Variants in ZNF385B observed in about 807,000 individuals in gnomAD.
The protein encoded by ZNF385B is zinc finger protein 533.
Under a neutral mutation model 39.2 loss-of-function variants are expected in ZNF385B, and 23 were observed. That is an observed-to-expected ratio of 0.59 (90% CI 0.42 to 0.83). The LOEUF (loss-of-function observed/expected upper bound fraction) is 0.83, where lower values mean the gene tolerates loss of function less well. Ranked by LOEUF, ZNF385B falls within the 40% of genes least tolerant of loss-of-function variation. ZNF385B has a pLI of 0.00. For synonymous variants in ZNF385B, 205 were observed against 222.6 expected, an observed-to-expected ratio of 0.92 and a Z score of 0.70; for missense variants, 552 against 598.9, an observed-to-expected ratio of 0.92 and a Z score of 0.82.
chr2:179,850,958 C>T (rs1244356201), intron 1 of ZNF385B, among the ~76,000 whole-genome samples: 1 of 152,138 alleles, frequency 6.6e-6, no homozygotes, highest in Non-Finnish European at 1.5e-5. Flanking sequence ...TTTTCCTTAA[C>T]GTTAGAAGAT....
At chr2:179,501,686 C>T (rs1354019407) in intron 5 of ZNF385B, among the ~76,000 whole-genome samples, 2 of 152,042 alleles carry the variant, frequency 1.3e-5, no homozygotes, top group Non-Finnish European at 2.9e-5. Context: ...GATAGGGTGA[C>T]TATAGTTAAT....
chr2:179,676,103 C>G (rs1176018558), intron 3 of ZNF385B, among the ~76,000 whole-genome samples: 1 of 146,384 alleles, frequency 6.8e-6, no homozygotes, highest in African/African-American at 2.5e-5. Context: ...TATTTTTTTT[C>G]TTTGAGACGG....
chr2:179,719,162 C>T (rs1700521578), intron 3 of ZNF385B, among the ~76,000 whole-genome samples: 1 of 152,056 alleles, frequency 6.6e-6, no homozygotes, highest in Non-Finnish European at 1.5e-5. Flanking sequence ...CCCCTTCCTG[C>T]CTCCACCCAT....
chr2:179,501,427 A>T (rs532339610), intron 5 of ZNF385B, among the ~76,000 whole-genome samples: 10 of 152,292 alleles, frequency 6.6e-5, no homozygotes, highest in Admixed American at 5.2e-4. Flanking sequence ...AATAAGGCCC[A>T]GTCATTTGCA....
chr2:179,820,221 A>G (rs926378926), intron 1 of ZNF385B, among the ~76,000 whole-genome samples: 1 of 152,162 alleles, frequency 6.6e-6, no homozygotes, highest in East Asian at 1.9e-4. Context: ...TTTACTATGT[A>G]CCTTTGGTTT....
At chr2:179,649,666 T>C (rs1693038801) in intron 3 of ZNF385B, among the ~76,000 whole-genome samples, 1 of 152,210 alleles carries the variant, frequency 6.6e-6, no homozygotes, top group South Asian at 2.1e-4. Context: ...TGCATGTATA[T>C]ATGTTTGCAT....
chr2:179,763,120 G>T (rs1332800883), intron 3 of ZNF385B, among the ~76,000 whole-genome samples: 5 of 152,206 alleles, frequency 3.3e-5, no homozygotes, highest in African/African-American at 7.2e-5. Flanking sequence ...GGCCAGGCTG[G>T]TATCAACACC....
intron 3 of ZNF385B, among the ~76,000 whole-genome samples, chr2:179,703,405 TCTTC>T (rs1699356494): frequency 6.6e-6 from 1 of 151,484 alleles, no homozygotes; most frequent in Non-Finnish European, 1.5e-5. Flanking sequence ...TTCAAAACCC[TCTTC>T]CTTAATTTTC....
chr2:179,588,874 G>A (rs1687322242), intron 3 of ZNF385B, among the ~76,000 whole-genome samples: 1 of 152,070 alleles, frequency 6.6e-6, no homozygotes, highest in Non-Finnish European at 1.5e-5. Context: ...ATACACAGAA[G>A]GCAAATGTCA....
At chr2:179,615,083 C>T (rs971016211) in intron 3 of ZNF385B, among the ~76,000 whole-genome samples, 9 of 152,302 alleles carry the variant, frequency 5.9e-5, no homozygotes, top group South Asian at 2.1e-4. Context: ...TAGCTGACAA[C>T]GTCAGCAGCT....
chr2:179,462,927 A>C (rs1279072520), intron 6 of ZNF385B, among the ~76,000 whole-genome samples: 1 of 152,096 alleles, frequency 6.6e-6, no homozygotes, highest in Non-Finnish European at 1.5e-5. Context: ...GTTTGTGAAA[A>C]TAGAGCTTTC....
At chr2:179,445,112 A>ATT in intron 8 of ZNF385B, 135 bp from the exon 9 acceptor site, 1 of 741,592 alleles carries the variant, frequency 1.3e-6, no homozygotes, top group South Asian at 1.6e-5. Flanking sequence ...AATCATTATG[A>ATT]TTTCTAAATT....
chr2:179,836,588 G>A (rs1449916939), intron 1 of ZNF385B, among the ~76,000 whole-genome samples: 1 of 146,616 alleles, frequency 6.8e-6, no homozygotes, highest in Non-Finnish European at 1.5e-5. Flanking sequence ...GCGCAATCTC[G>A]GCTCACTGCA....
chr2:179,594,561 G>A (rs1262338523), intron 3 of ZNF385B, among the ~76,000 whole-genome samples: 1 of 152,194 alleles, frequency 6.6e-6, no homozygotes, highest in Non-Finnish European at 1.5e-5. Flanking sequence ...TATGACTTGA[G>A]CCAGCAAATG....
chr2:179,546,066 ACT>A (rs1405813311), intron 3 of ZNF385B, among the ~76,000 whole-genome samples: 1 of 151,762 alleles, frequency 6.6e-6, no homozygotes, highest in Non-Finnish European at 1.5e-5. Flanking sequence ...ACAAGGTCTC[ACT>A]CTGTCACCCA....
At chr2:179,486,970 A>C (rs2054639830) in intron 5 of ZNF385B, among the ~76,000 whole-genome samples, 2 of 152,190 alleles carry the variant, frequency 1.3e-5, no homozygotes, top group Non-Finnish European at 2.9e-5. Flanking sequence ...AATATACAAC[A>C]ATTTCTACAA....
intron 6 of ZNF385B, among the ~76,000 whole-genome samples, chr2:179,454,249 T>G (rs2050449614): frequency 6.6e-6 from 1 of 152,134 alleles, no homozygotes; most frequent in South Asian, 2.1e-4. Context: ...TCCCATAAGA[T>G]TATAAAGGAG....
intron 5 of ZNF385B, among the ~76,000 whole-genome samples, chr2:179,504,748 T>C (rs1189741343): frequency 6.6e-6 from 1 of 151,696 alleles, no homozygotes; most frequent in Non-Finnish European, 1.5e-5. Context: ...ACATGGCACA[T>C]GTATACATAT....
At position 179,655,772 on chromosome 2, in the gene ZNF385B, A is replaced by G. The variant is rs546030461; in HGVS notation, c.299-110803T>C. ...TACAATTACATGTCATGAAATCTAAAGGCAAATATGTTTACCCAGTAAGGG... is the reference window on the plus strand; with the variant it reads ...TACAATTACATGTCATGAAATCTAAGGGCAAATATGTTTACCCAGTAAGGG... On this transcript the variant is annotated intron_variant, in intron 3 of 9. Coordinates refer to ENST00000410066, the MANE Select transcript of ZNF385B (RefSeq NM_152520.6). Among the ~76,000 whole-genome samples the G allele has an allele frequency of 5.9e-5, 9 of 152,314 alleles. No individual in the cohort carries two copies. In the South Asian group the frequency reaches 1.9e-3, roughly 32 times the overall value.
Sources: allele counts gnomAD v4.1 joint callset (sites outside exome capture counted in the v4.1 genomes callset), GRCh38; gene constraint gnomAD v4.1.1; transcripts MANE v1.5; gene names NCBI Gene and HGNC (gene_info 2026-07-23, HGNC 2026-07-21).